The following NOTCH4 variants were observed in gnomAD, a reference collection of about 807,000 sequenced individuals.
The protein encoded by NOTCH4 is notch receptor 4.
A neutral mutation model predicts 189.0 loss-of-function variants in NOTCH4; 138 were observed. The ratio of observed to expected loss-of-function variants is 0.73; its 90% confidence interval spans 0.64 to 0.84. The LOEUF (loss-of-function observed/expected upper bound fraction) is 0.84. NOTCH4 is among the 40% of genes least tolerant of loss of function. The pLI is 0.00. For missense variants in NOTCH4, 2,286 were observed against 2,605.4 expected (o/e 0.88, Z 2.67); for synonymous variants, 942 against 1,032.8 (o/e 0.91, Z 1.69).
rs772561045 is a variant in NOTCH4, at chr6:32,198,420, C to T, written c.4756+1G>A. The T allele has an allele frequency of 6.2e-7, 1 of 1,610,196 alleles. No individual in the cohort carries two copies. Reference sequence around the variant, plus strand: ...TTCTTGGTCTGGGTTGACTCACATACCAGGTCCACGGGTGTCCAGGTCAGG... The same window carrying T: ...TTCTTGGTCTGGGTTGACTCACATATCAGGTCCACGGGTGTCCAGGTCAGG... On this transcript the variant is annotated splice_donor_variant, in intron 26 of 29. Transcript: ENST00000375023. LOFTEE classifies it high-confidence loss of function. The surrounding 1 kb of genome is among the most constrained non-coding windows in gnomAD (Gnocchi z 5.5).
chr6:32,205,607 T>G (rs116757423), intron 18 of NOTCH4, among the ~76,000 whole-genome samples: 269 of 147,082 alleles, frequency 1.8e-3, no homozygotes, highest in African/African-American at 6.3e-3. Flanking sequence ...TGCCCAGAGG[T>G]TTACTACTGA....
At chr6:32,196,232 T>C (rs1582764209) in intron 29 of NOTCH4, 82 bp from the exon 30 acceptor site, 1 of 1,610,234 alleles carries the variant, frequency 6.2e-7, no homozygotes, top group East Asian at 2.2e-5. Flanking sequence ...GCGCGACCAC[T>C]GGCCCCTATC....
In NOTCH4 at chr6:32,223,044, C is replaced by A; in HGVS notation, c.116G>T (p.Gly39Val). 2 of 1,613,976 alleles carry A rather than the reference C, an allele frequency of 1.2e-6. No individual in the cohort carries two copies. Among genetic ancestry groups the A allele is most frequent in the Non-Finnish European group, 8.5e-7 (1 of 1,179,936 alleles). Residue 39 changes from glycine (G) to valine (V), a missense_variant, in exon 2 of 30, where the codon GGC (glycine) becomes GTC (valine). By Grantham distance (109) the Gly-to-Val change is moderately radical. This residue lies in a region of NOTCH4 where 1,903 missense variants were observed against 2,261.9 expected (regional missense o/e 0.84). Coordinates refer to ENST00000375023, the MANE Select transcript of NOTCH4 (RefSeq NM_004557.4). ...GSFPEPCANG[G>V]TCLSLSLGQG... ...TCCCAGAGACAGGCTCAGGCAGGTG[C>A]CTCCATTGGCACAGGGTTCTGGGAA...
rs1356245765 is a variant in NOTCH4, at chr6:32,197,537, A to G, written c.4814T>C (p.Phe1605Ser). 6.2e-7 allele frequency: 1 copy of G among 1,612,380 alleles called. No individual in the cohort carries two copies. Among genetic ancestry groups the G allele is most frequent in the Non-Finnish European group, 8.5e-7 (1 of 1,179,312 alleles). ...AGGACATCCCAACCATGCCCCTTGG[A>G]AGGTCCCGGACTGTACTTCCCCACA... The part of the protein sequence containing the change: ...VCCGEVQSGT[F>S]QGAWLGCPEP... Residue 1605 changes from phenylalanine to serine, a missense_variant, in exon 27 of 30, where the codon TTC becomes TCC. Phe to Ser is a radical substitution (Grantham distance 155). Around this residue, in one of 2 missense-constraint regions of NOTCH4, gnomAD observed 1,903 missense variants for 2,261.9 expected, o/e 0.84. Coordinates refer to ENST00000375023, the MANE Select transcript of NOTCH4 (RefSeq NM_004557.4).
In NOTCH4 at chr6:32,198,640, C is replaced by A; in HGVS notation, c.4617+9G>T. 6.2e-7 allele frequency: 1 copy of A among 1,611,466 alleles called. No individual in the cohort carries two copies. Among genetic ancestry groups the A allele is most frequent in the Non-Finnish European group, 8.5e-7 (1 of 1,179,162 alleles). On this transcript the variant is annotated intron_variant, in intron 25 of 29. Transcript: ENST00000375023. The surrounding 1 kb of genome is among the most constrained non-coding windows in gnomAD (Gnocchi z 5.5). ...CACCTCCAGACCATTCTTGCCCCAG[C>A]CCTTTCACCTGGCCCACCTCCTCTC...
chr6:32,205,432 C>T (rs1305362945), intron 18 of NOTCH4, among the ~76,000 whole-genome samples: 1 of 149,998 alleles, frequency 6.7e-6, no homozygotes, highest in Non-Finnish European at 1.5e-5. Flanking sequence ...CCTGTAGTCC[C>T]AGCTACTCAG....
chr6:32,220,629 G>A lies in NOTCH4; in HGVS notation c.935C>T (p.Ser312Phe), dbSNP rs2127487922. 6.2e-7 allele frequency: 1 copy of A among 1,613,958 alleles called. No individual in the cohort carries two copies. The highest frequency in any genetic ancestry group is 8.5e-7 in the Non-Finnish European group (1 of 1,179,914). Reference protein sequence around the residue: ...CPETWTGWDCSEDVDECETQG... With the variant: ...CPETWTGWDCFEDVDECETQG... The stretch of plus-strand genomic sequence containing the variant: ...GGTCTCACACTCATCCACATCTTCG[G>A]AGCAGTCCCAGCCTGCAGGGGGTTG... The change falls in exon 6 of 30, where the codon TCC becomes TTC. Residue 312 changes from serine to phenylalanine, a missense_variant. Coordinates refer to ENST00000375023, the MANE Select transcript of NOTCH4 (RefSeq NM_004557.4).
chr6:32,204,170 C>T lies in NOTCH4; in HGVS notation c.3085G>A (p.Ala1029Thr). The change falls in exon 19 of 30, where the codon GCC (alanine) becomes ACC (threonine). Residue 1029 changes from alanine to threonine, a missense_variant. Transcript: ENST00000375023. ...GTAACHSLANAFYCQCLPGHT... is the reference protein window; with the variant it reads ...GTAACHSLANTFYCQCLPGHT... ...CCAGGCAGACACTGGCAGTAGAAGG[C>T]ATTGGCCAGAGAGTGGCAGGCTGCA... The T allele has an allele frequency of 6.2e-7, 1 of 1,612,936 alleles. No individual in the cohort carries two copies. Among genetic ancestry groups the T allele is most frequent in the Admixed American group, 1.7e-5 (1 of 60,016 alleles).
rs1787832364 is a variant in NOTCH4 at position 32,195,708 on chromosome 6, C to T, written c.5741G>A (p.Arg1914His). The T allele has an allele frequency of 6.2e-7, 1 of 1,612,832 alleles. No homozygotes were observed. Among genetic ancestry groups the T allele is most frequent in the Non-Finnish European group, 8.5e-7 (1 of 1,179,978 alleles). Residue 1914 changes from arginine (R) to histidine (H), a missense_variant, in exon 30 of 30, where the codon CGT (arginine) becomes CAT (histidine). By Grantham distance (29) the Arg-to-His change is conservative (BLOSUM62 0). This residue lies in a region of NOTCH4 where 383 missense variants were observed against 343.5 expected (regional missense o/e 1.11). Coordinates refer to ENST00000375023, the MANE Select transcript of NOTCH4 (RefSeq NM_004557.4). This position sits in a 1 kb window ranked among gnomAD's most constrained non-coding sequence, Gnocchi z 5.4. ...CCCGCGCATGCCTGCAGAAAACCTA[C>T]GGCCGCGAGGGGTCGGGCCTCCTCC... ...GAGGGPTPRG[R>H]RFSAGMRGPR...
rs543774507 is a variant in NOTCH4 at position 32,221,169 on chromosome 6, C to T, written c.608G>A (p.Gly203Glu). ...GCAGGAGGTGCCTTTGGGGCAGGGT[C>T]CTGGGTCCTGGAAGCACTCGTTGAC... ...RDVNECFQDP[G>E]PCPKGTSCHN... Residue 203 changes from glycine to glutamate, a missense_variant, in exon 4 of 30, where the codon GGA (glycine) becomes GAA (glutamate). Gly to Glu is a moderately conservative substitution (Grantham distance 98). Transcript: ENST00000375023. This position sits in a 1 kb window ranked among gnomAD's most constrained non-coding sequence, Gnocchi z 4.3. 1 of 1,613,072 alleles carries T rather than the reference C, an allele frequency of 6.2e-7. No individual in the cohort carries two copies. The highest frequency in any genetic ancestry group is 1.7e-5 in the Admixed American group (1 of 60,026).
chr6:32,201,376 C>T lies in NOTCH4; in HGVS notation c.3880G>A (p.Gly1294Arg). ...ACCACCAGCAGGGCCAGGGAGGGCCCCCACTCTGGGTCCCCATCTTCAGGC... is the reference window on the plus strand; with the variant it reads ...ACCACCAGCAGGGCCAGGGAGGGCCTCCACTCTGGGTCCCCATCTTCAGGC... The part of the protein sequence containing the change: ...CRPEDGDPEW[G>R]PSLALLVVLS... Residue 1294 changes from glycine (G) to arginine (R), a missense_variant, in exon 22 of 30, where the codon GGG becomes AGG. Around this residue, in one of 2 missense-constraint regions of NOTCH4, gnomAD observed 1,903 missense variants for 2,261.9 expected, o/e 0.84. Transcript: ENST00000375023. This position sits in a 1 kb window ranked among gnomAD's most constrained non-coding sequence, Gnocchi z 5.5. 1 of 1,593,410 alleles carries T rather than the reference C, an allele frequency of 6.3e-7. No homozygotes were observed. Among genetic ancestry groups the T allele is most frequent in the Admixed American group, 1.7e-5 (1 of 57,500 alleles).
In NOTCH4 at chr6:32,214,118, C is replaced by G. The variant is rs1344815555; in HGVS notation, c.2159G>C (p.Gly720Ala). Reference protein sequence around the residue: ...PSGYNCTCPTGYTGPTCSEEM... With the variant: ...PSGYNCTCPTAYTGPTCSEEM... ...TTTAGGGAGGGTCTCACCTGTGTAG[C>G]CTGTAGGGCAGGTGCAGTTGTAGCC... Residue 720 changes from glycine (G) to alanine (A), a missense_variant, in exon 13 of 30, where the codon GGC becomes GCC. Coordinates refer to ENST00000375023, the MANE Select transcript of NOTCH4 (RefSeq NM_004557.4). 2 of 1,611,958 alleles carry G rather than the reference C, an allele frequency of 1.2e-6. No individual in the cohort carries two copies. The highest frequency in any genetic ancestry group is 1.7e-6 in the Non-Finnish European group (2 of 1,179,146).
At chr6:32,205,547 CAAAAAA>C (rs9281672) in intron 18 of NOTCH4, among the ~76,000 whole-genome samples, 8 of 52,182 alleles carry the variant, frequency 1.5e-4, no homozygotes, top group Admixed American at 3.3e-4. Context: ...GATGCTGTCT[CAAAAAA>C]AAAAAAAAAA....
At chr6:32,205,052 A>G (rs1788587790) in intron 18 of NOTCH4, among the ~76,000 whole-genome samples, 1 of 152,142 alleles carries the variant, frequency 6.6e-6, no homozygotes, top group African/African-American at 2.4e-5. Flanking sequence ...TCTTCATGCC[A>G]CTCAGCTAGT....
In NOTCH4 at chr6:32,198,498, G is replaced by A. The variant is rs967436228; in HGVS notation, c.4679C>T (p.Ala1560Val). The part of the protein sequence containing the change: ...QLWSLSGGCG[A>V]LPQAAMLTPP... ...AGTTAGCATGGCTGCCTGAGGGAGC[G>A]CCCCACAGCCACCACTCAGAGACCA... The change falls in exon 26 of 30, where the codon GCG becomes GTG. Residue 1560 changes from alanine to valine, a missense_variant. This residue lies in a region of NOTCH4 where 1,903 missense variants were observed against 2,261.9 expected (regional missense o/e 0.84). Coordinates refer to ENST00000375023, the MANE Select transcript of NOTCH4 (RefSeq NM_004557.4). This position sits in a 1 kb window ranked among gnomAD's most constrained non-coding sequence, Gnocchi z 5.5. 6.2e-6 allele frequency: 10 copies of A among 1,612,680 alleles called. No homozygotes were observed. In the East Asian group the frequency reaches 6.7e-5, roughly 11 times the overall value.
At chr6:32,211,614 T>G (rs1789027278) in intron 17 of NOTCH4, among the ~76,000 whole-genome samples, 1 of 149,326 alleles carries the variant, frequency 6.7e-6, no homozygotes, top group African/African-American at 2.5e-5. Flanking sequence ...AATAAATAAA[T>G]AAATAAATAA....
intron 7 of NOTCH4, 123 bp downstream of exon 7, chr6:32,220,006 C>G (rs8192590): frequency 0.021 from 25,284 of 1,224,472 alleles, 646 homozygotes; most frequent in East Asian, 0.11. Flanking sequence ...GATGCCAAAT[C>G]TGGGCAAATT....
intron 17 of NOTCH4, among the ~76,000 whole-genome samples, chr6:32,211,567 T>C (rs1789021521): frequency 6.6e-6 from 1 of 151,790 alleles, no homozygotes; most frequent in South Asian, 2.1e-4. Flanking sequence ...CACTCCACCC[T>C]GGGTGACAGA....
chr6:32,216,680 G>A, intron 11 of NOTCH4: 1 of 581,796 alleles, frequency 1.7e-6, no homozygotes, highest in Non-Finnish European at 3.1e-6. Context: ...AAATAAGCAA[G>A]TGAATGCCTT....
Sources: gnomAD v4.1 joint callset for allele counts (sites outside exome capture counted in the v4.1 genomes callset) on GRCh38, gnomAD v4.1.1 for gene constraint, gnomAD v4.1.1 regional missense constraint, Gnocchi (gnomAD v3.1) non-coding constraint, MANE v1.5 for transcripts, NCBI Gene and HGNC (gene_info 2026-07-23, HGNC 2026-07-21) for gene names.